Variants in MR1 observed in about 807,000 individuals in gnomAD.
The protein encoded by MR1 is major histocompatibility complex, class I-related.
In MR1, 44 loss-of-function variants were observed where a neutral mutation model predicts 37.8. The observed-to-expected ratio is 1.16, with a 90% CI of 0.91 to 1.50. MR1 has a LOEUF of 1.50. Among genes scored for constraint, MR1 ranks in the 40% most tolerant of loss-of-function variants. MR1 has a pLI of 0.00. For synonymous variants in MR1, 153 were observed against 155.8 expected (o/e 0.98, Z 0.13); for missense variants, 386 against 419.1 (o/e 0.92, Z 0.69).
At chr1:181,046,556 A>G (rs141060718) in intron 1 of MR1, among the ~76,000 whole-genome samples, 14 of 152,270 alleles carry the variant, frequency 9.2e-5, no homozygotes, top group Non-Finnish European at 1.6e-4. Flanking sequence ...TAAACGCACC[A>G]ATCAGTGCCC....
In MR1 at chr1:181,055,302, G is replaced by T; in HGVS notation, c.*37G>T. The T allele has an allele frequency of 6.3e-7, 1 of 1,585,382 alleles. No individual in the cohort carries two copies. Among genetic ancestry groups the T allele is most frequent in the East Asian group, 2.2e-5 (1 of 44,684 alleles). On this transcript the variant is annotated 3_prime_UTR_variant, in exon 6 of 6. Transcript: ENST00000367580. ...TCTTTTCCAGTTCTCCTTCCTCTAG[G>T]AGCCATGTTATCCTCTGTCCCCCAT...
At chr1:181,036,712 A>T (rs1485377908) in intron 1 of MR1, among the ~76,000 whole-genome samples, 1 of 152,206 alleles carries the variant, frequency 6.6e-6, no homozygotes, top group African/African-American at 2.4e-5. Context: ...CATTTACAAA[A>T]ATCTTCTCTT....
In MR1 at chr1:181,055,975, G is replaced by A. The variant is rs1363478879; in HGVS notation, c.*710G>A. On this transcript the variant is annotated 3_prime_UTR_variant, in exon 6 of 6. Transcript: ENST00000367580. Reference sequence around the variant, plus strand: ...CTATGGAGGTAGTCTCACCCTTTTTGTCTTTTGTGGGAAATTAAGAGAAAT... The same window carrying A: ...CTATGGAGGTAGTCTCACCCTTTTTATCTTTTGTGGGAAATTAAGAGAAAT... 1 of 152,108 alleles carries A rather than the reference G, an allele frequency of 6.6e-6. No homozygotes were observed. 9.4% of individuals were successfully genotyped at this position (152,108 alleles called of 1,614,324 possible). A position where few individuals can be genotyped will look rare whatever the true frequency, so the allele number is the denominator to read the frequency against.
In MR1 at chr1:181,057,422, G is replaced by A. The variant is rs4652552; in HGVS notation, c.*2157G>A. ...ATAGTTAGGATGTAATATATTTTTG[G>A]GTGGGCATTTAAAGTGAAAAGGTAC... On this transcript the variant is annotated 3_prime_UTR_variant, in exon 6 of 6. Coordinates refer to ENST00000367580, the MANE Select transcript of MR1 (RefSeq NM_001385161.1). The A allele has an allele frequency of 0.61, 92,881 of 152,054 alleles. 28,913 individuals are homozygous for A. Among genetic ancestry groups the A allele is most frequent in the East Asian group, 0.89 (4,592 of 5,174 alleles). 9.4% of individuals were successfully genotyped at this position (152,054 alleles called of 1,614,324 possible).
Position 181,055,885 on chromosome 1 carries a change from G to A in MR1, c.*620G>A, listed in dbSNP as rs1247112630. Reference sequence around the variant, plus strand: ...TTTTCTGGCCTGAGAGAAAGCCAAAGTCCCCTGCTGTTCACAGCAACCCTG... The same window carrying A: ...TTTTCTGGCCTGAGAGAAAGCCAAAATCCCCTGCTGTTCACAGCAACCCTG... On this transcript the variant is annotated 3_prime_UTR_variant, in exon 6 of 6. Coordinates refer to ENST00000367580, the MANE Select transcript of MR1 (RefSeq NM_001385161.1). 1 of 152,332 alleles carries A rather than the reference G, an allele frequency of 6.6e-6. No individual in the cohort carries two copies. The highest frequency in any genetic ancestry group is 2.4e-5 in the African/African-American group (1 of 41,434). The allele number at this position is 152,332 out of a possible 1,614,324, so 9.4% of individuals were successfully genotyped here.
In MR1 at chr1:181,058,423, G is replaced by A. The variant is rs2282347; in HGVS notation, c.*3158G>A. ...GTAAATTTAAATGGCAGATGTTTTT[G>A]ATGTGGTACATTTAAGGGAGAGAAA... is the stretch of plus-strand genomic sequence containing the variant. On this transcript the variant is annotated 3_prime_UTR_variant, in exon 6 of 6. Transcript: ENST00000367580. 25,071 of 151,496 alleles carry A rather than the reference G, an allele frequency of 0.17. 2,168 individuals carry two copies. The highest frequency in any genetic ancestry group is 0.33 in the East Asian group (1,701 of 5,172). 9.4% of individuals were successfully genotyped at this position (151,496 alleles called of 1,614,324 possible).
upstream of MR1, chr1:181,033,924 G>C (rs1368073322): frequency 1.2e-5 from 13 of 1,128,508 alleles, no homozygotes; most frequent in Non-Finnish European, 1.7e-5. Flanking sequence ...TGTTCTTATT[G>C]GGAGAAGGCC....
rs1159129832 is a variant in MR1, at chr1:181,055,879, GC to G, written c.*616del. On this transcript the variant is annotated 3_prime_UTR_variant, in exon 6 of 6. Transcript: ENST00000367580. ...TATACATTTTCTGGCCTGAGAGAAAGCCAAAGTCCCCTGCTGTTCACAGCAA... is the reference window on the plus strand; with the variant it reads ...TATACATTTTCTGGCCTGAGAGAAAGCAAAGTCCCCTGCTGTTCACAGCAA... 2.6e-5 allele frequency: 4 copies of G among 152,346 alleles called. No homozygotes were observed. Among genetic ancestry groups the G allele is most frequent in the African/African-American group, 9.7e-5 (4 of 41,448 alleles). 9.4% of individuals were successfully genotyped at this position (152,346 alleles called of 1,614,324 possible).
intron 1 of MR1, among the ~76,000 whole-genome samples, chr1:181,042,252 G>T (rs111756985): frequency 0.011 from 1,646 of 149,614 alleles, 29 homozygotes; most frequent in African/African-American, 0.039. Flanking sequence ...GCCCAGGCTG[G>T]AGTGCAGTGG....
intron 1 of MR1, among the ~76,000 whole-genome samples, chr1:181,041,835 T>C (rs982354181): frequency 1.3e-5 from 2 of 152,240 alleles, no homozygotes; most frequent in Non-Finnish European, 2.9e-5. Context: ...AAAAATTATA[T>C]ATTTTATTTT....
chr1:181,043,434 T>C (rs942763271), intron 1 of MR1, among the ~76,000 whole-genome samples: 3 of 152,164 alleles, frequency 2.0e-5, no homozygotes, highest in African/African-American at 7.2e-5. Flanking sequence ...CTAACAATGA[T>C]TTTAATTGCT....
Position 181,055,381 on chromosome 1 carries a change from G to A in MR1, c.*116G>A. On this transcript the variant is annotated 3_prime_UTR_variant, in exon 6 of 6. Coordinates refer to ENST00000367580, the MANE Select transcript of MR1 (RefSeq NM_001385161.1). ...GACGACACCCACAACATACATGAGAGTAATGGGATTGAGCATTTATGGCAG... is the reference window on the plus strand; with the variant it reads ...GACGACACCCACAACATACATGAGAATAATGGGATTGAGCATTTATGGCAG... 1.1e-6 allele frequency: 1 copy of A among 894,336 alleles called. No individual in the cohort carries two copies. The highest frequency in any genetic ancestry group is 1.8e-6 in the Non-Finnish European group (1 of 556,578). 55.4% of individuals were successfully genotyped at this position (894,336 alleles called of 1,614,324 possible).
chr1:181,037,290 G>T (rs149993706), intron 1 of MR1, among the ~76,000 whole-genome samples: 57 of 152,314 alleles, frequency 3.7e-4, no homozygotes, highest in Non-Finnish European at 6.9e-4. Flanking sequence ...AAGTGACCTT[G>T]AGTTCAAAGA....
intron 1 of MR1, among the ~76,000 whole-genome samples, chr1:181,045,325 A>G (rs965038995): frequency 6.6e-6 from 1 of 152,170 alleles, no homozygotes. Flanking sequence ...TTGTGGCTGC[A>G]TACCTTCTAT....
intron 1 of MR1, among the ~76,000 whole-genome samples, chr1:181,042,588 G>A (rs1297958738): frequency 6.6e-6 from 1 of 151,094 alleles, no homozygotes; most frequent in Admixed American, 6.6e-5. Context: ...GATCACCTGA[G>A]GTCGGGAGTT....
At chr1:181,033,486 T>TA (rs1657115451), upstream of MR1, 1 of 152,488 alleles carries the variant, frequency 6.6e-6, no homozygotes, top group Non-Finnish European at 1.5e-5. Flanking sequence ...GAGCTTATTG[T>TA]GCTGGGTGCT....
intron 1 of MR1, among the ~76,000 whole-genome samples, chr1:181,046,886 C>G (rs1657910682): frequency 6.6e-6 from 1 of 152,142 alleles, no homozygotes; most frequent in African/African-American, 2.4e-5. Flanking sequence ...CTGCGAAGGT[C>G]TGCAGCTTCA....
intron 1 of MR1, among the ~76,000 whole-genome samples, chr1:181,035,336 CA>C (rs999990886): frequency 1.5e-3 from 216 of 140,854 alleles, no homozygotes; most frequent in Middle Eastern, 0.015. Context: ...GACTCCATCT[CA>C]AAAAAAAAAA....
chr1:181,048,392 A>G (rs542405950), intron 1 of MR1, among the ~76,000 whole-genome samples: 11 of 151,908 alleles, frequency 7.2e-5, no homozygotes, highest in Non-Finnish European at 8.8e-5. Flanking sequence ...AAAATTAGCC[A>G]GGCGTGGTGG....
Sources: allele counts gnomAD v4.1 joint callset (sites outside exome capture counted in the v4.1 genomes callset), GRCh38; gene constraint gnomAD v4.1.1; transcripts MANE v1.5; gene names NCBI Gene and HGNC (gene_info 2026-07-23, HGNC 2026-07-21).